ADGRB3: variants seen among roughly 807,000 people sequenced by gnomAD.
ADGRB3 encodes adhesion G protein-coupled receptor B3, also known as brain-specific angiogenesis inhibitor 3.
Under a neutral mutation model 193.4 loss-of-function variants are expected in ADGRB3, and 37 were observed. The ratio of observed to expected loss-of-function variants is 0.19; its 90% CI spans 0.15 to 0.25. The LOEUF is 0.25. ADGRB3 is among the 10% of genes least tolerant of loss of function. The pLI, the probability that ADGRB3 is intolerant of heterozygous loss-of-function variation, is 1.00. For synonymous variants in ADGRB3, 690 were observed against 644.2 expected (o/e 1.07, Z -1.08); for missense variants, 1,637 against 1,852.9 (o/e 0.88, Z 2.14).
In ADGRB3 at chr6:69,362,523, A is replaced by G. The variant is rs569042626; in HGVS notation, c.4239+1011A>G. Among the ~76,000 whole-genome samples, 7 of 152,070 alleles carry G rather than the reference A, an allele frequency of 4.6e-5. No homozygotes were observed. In the South Asian group the frequency reaches 1.5e-3, roughly 32 times the overall value. On this transcript the variant is annotated intron_variant, in intron 29 of 31. Coordinates refer to ENST00000370598, the MANE Select transcript of ADGRB3 (RefSeq NM_001704.3). ...CATTCTGAGAGTCTTAAAAAATGCG[A>G]TGAATAAGGTAATTTTCAGGGTTTT...
intron 3 of ADGRB3, among the ~76,000 whole-genome samples, chr6:68,791,369 A>G (rs1482596065): frequency 6.6e-6 from 1 of 152,246 alleles, no homozygotes; most frequent in Non-Finnish European, 1.5e-5. Context: ...ATATAGGTAT[A>G]TGCTACATAA....
At chr6:68,847,877 T>A (rs1479247079) in intron 3 of ADGRB3, among the ~76,000 whole-genome samples, 2 of 151,658 alleles carry the variant, frequency 1.3e-5, no homozygotes, top group Non-Finnish European at 2.9e-5. Context: ...AGATTGTTTT[T>A]TGAAAAGAAG....
intron 3 of ADGRB3, among the ~76,000 whole-genome samples, chr6:68,786,894 GTAT>G (rs1766984656): frequency 6.6e-6 from 1 of 151,798 alleles, no homozygotes; most frequent in Admixed American, 6.6e-5. Context: ...GGATTCCTAG[GTAT>G]TTTATTCTCT....
rs1007691358 is a variant in ADGRB3 at position 68,662,683 on chromosome 6, A to G, written c.757+23251A>G. ...TATTAGAATATAAAATTCATCTGCT[A>G]TAGAAACTTTAGAACACAATGTATC... is the stretch of plus-strand genomic sequence containing the variant. On this transcript the variant is annotated intron_variant, in intron 3 of 31. Coordinates refer to ENST00000370598, the MANE Select transcript of ADGRB3 (RefSeq NM_001704.3). Among the ~76,000 whole-genome samples the G allele has an allele frequency of 2.6e-5, 4 of 151,676 alleles. No individual in the cohort carries two copies. In the South Asian group the frequency reaches 8.3e-4, roughly 31 times the overall value.
Position 69,127,549 on chromosome 6 carries a change from C to T in ADGRB3, c.2480+51511C>T, listed in dbSNP as rs192989391. On this transcript the variant is annotated intron_variant, in intron 17 of 31. Transcript: ENST00000370598. ...ACTTGGGACATATCATTTGACTTTT[C>T]GGTGTCTTGCTTTTCTCTAAAAATG... Among the ~76,000 whole-genome samples the T allele has an allele frequency of 2.7e-4, 41 of 152,178 alleles. No homozygotes were observed. In the East Asian group the frequency reaches 5.6e-3, roughly 21 times the overall value.
chr6:69,321,609 A>G lies in ADGRB3; in HGVS notation c.2815-3263A>G, dbSNP rs79459016. 6.4e-4 allele frequency among the ~76,000 whole-genome samples: 97 copies of G among 151,890 alleles called. 1 individual carries two copies. The highest frequency in any genetic ancestry group is 3.4e-3 in the Middle Eastern group (1 of 294). On this transcript the variant is annotated intron_variant, in intron 20 of 31. Coordinates refer to ENST00000370598, the MANE Select transcript of ADGRB3 (RefSeq NM_001704.3). Reference sequence around the variant, plus strand: ...AAAAACCCTAGTACTGAGGGGATCTAAGGGATGATTGATCACTGGGGGCTT... The same window carrying G: ...AAAAACCCTAGTACTGAGGGGATCTGAGGGATGATTGATCACTGGGGGCTT...
intron 3 of ADGRB3, among the ~76,000 whole-genome samples, chr6:68,757,051 T>C (rs1171658189): frequency 6.6e-6 from 1 of 152,156 alleles, no homozygotes; most frequent in African/African-American, 2.4e-5. Flanking sequence ...TCCCTTTCTC[T>C]GAAAAATTAG....
intron 26 of ADGRB3, among the ~76,000 whole-genome samples, chr6:69,350,529 T>TA (rs1254984272): frequency 1.3e-5 from 2 of 152,102 alleles, no homozygotes; most frequent in Non-Finnish European, 2.9e-5. Context: ...ATAGGTTTAG[T>TA]AAAAAAATTG....
intron 17 of ADGRB3, among the ~76,000 whole-genome samples, chr6:69,110,675 T>G (rs1235898465): frequency 4.6e-5 from 7 of 152,272 alleles, no homozygotes; most frequent in East Asian, 1.9e-4. Context: ...GTTTAAAAAC[T>G]TACCTACTCT....
At chr6:69,243,889 A>T (rs1766435213) in intron 20 of ADGRB3, among the ~76,000 whole-genome samples, 1 of 152,066 alleles carries the variant, frequency 6.6e-6, no homozygotes, top group South Asian at 2.1e-4. Flanking sequence ...ACAAAATATT[A>T]TAAAATAAAT....
At chr6:68,857,697 G>T (rs1396956257) in intron 3 of ADGRB3, among the ~76,000 whole-genome samples, 1 of 152,186 alleles carries the variant, frequency 6.6e-6, no homozygotes, top group Non-Finnish European at 1.5e-5. Context: ...TTGAATTAAT[G>T]CTGAAATGAG....
chr6:69,259,695 C>CA (rs397887907), intron 20 of ADGRB3, among the ~76,000 whole-genome samples: 6,451 of 74,588 alleles, frequency 0.086, 536 homozygotes, highest in African/African-American at 0.21. Context: ...GACTCTGTCT[C>CA]AAAAAAAAAA....
chr6:68,782,755 G>T (rs1290799371), intron 3 of ADGRB3, among the ~76,000 whole-genome samples: 4 of 151,116 alleles, frequency 2.6e-5, no homozygotes, highest in Non-Finnish European at 4.4e-5. Flanking sequence ...GTGTTTTTTG[G>T]CTGCATAAAT....
intron 24 of ADGRB3, among the ~76,000 whole-genome samples, chr6:69,333,995 AT>A (rs1768787020): frequency 1.5e-5 from 2 of 133,892 alleles, no homozygotes; most frequent in African/African-American, 2.7e-5. Flanking sequence ...ATAAAATAAA[AT>A]AAAATAAAAT....
intron 17 of ADGRB3, among the ~76,000 whole-genome samples, chr6:69,139,618 A>G (rs1048399027): frequency 6.6e-6 from 1 of 152,200 alleles, no homozygotes; most frequent in Non-Finnish European, 1.5e-5. Context: ...TGTGGCATTC[A>G]CCTCTCCAAG....
At chr6:68,987,467 T>A (rs964674986) in intron 10 of ADGRB3, among the ~76,000 whole-genome samples, 3 of 152,160 alleles carry the variant, frequency 2.0e-5, no homozygotes, top group Non-Finnish European at 2.9e-5. Flanking sequence ...AAAGATTGAA[T>A]TTCTCCTTAA....
chr6:68,797,929 TC>T (rs1285377293), intron 3 of ADGRB3, among the ~76,000 whole-genome samples: 1 of 152,200 alleles, frequency 6.6e-6, no homozygotes, highest in Non-Finnish European at 1.5e-5. Flanking sequence ...TTTGACTCGT[TC>T]TAACTAGTTA....
chr6:68,784,894 T>C (rs992784), intron 3 of ADGRB3, among the ~76,000 whole-genome samples: 110,621 of 151,984 alleles, frequency 0.73, 40,573 homozygotes, highest in Middle Eastern at 0.9. Flanking sequence ...TTTTCCTTCA[T>C]AGAGTTTAGT....
chr6:69,362,150 A>G (rs141922069), intron 29 of ADGRB3, among the ~76,000 whole-genome samples: 1,595 of 152,042 alleles, frequency 0.01, 22 homozygotes, highest in African/African-American at 0.036. Context: ...GCATACTAAC[A>G]GGATTCTGAG....
Sources: allele counts gnomAD v4.1 joint callset (sites outside exome capture counted in the v4.1 genomes callset), GRCh38; gene constraint gnomAD v4.1.1; transcripts MANE v1.5; gene names NCBI Gene and HGNC (gene_info 2026-07-23, HGNC 2026-07-21).